The following RAPGEF2 variants were observed in gnomAD, a reference collection of about 807,000 sequenced individuals.
RAPGEF2 encodes the protein PDZ domain containing guanine nucleotide exchange factor (GEF) 1.
Under a neutral mutation model 186.7 loss-of-function variants are expected in RAPGEF2, and 54 were observed. The ratio of observed to expected loss-of-function variants is 0.29; its 90% CI spans 0.23 to 0.36. The LOEUF (loss-of-function observed/expected upper bound fraction) is 0.36. RAPGEF2 is among the 10% of genes least tolerant of loss of function. RAPGEF2 has a pLI of 1.00. For synonymous variants in RAPGEF2, 712 were observed against 705.9 expected (o/e 1.01, Z -0.14); for missense variants, 1,532 against 2,045.0 (o/e 0.75, Z 4.84).
chr4:159,280,596 G>A (rs1038629891), intron 7 of RAPGEF2, among the ~76,000 whole-genome samples: 4 of 152,136 alleles, frequency 2.6e-5, no homozygotes, highest in Non-Finnish European at 4.4e-5. Context: ...TCTCTGTATT[G>A]TTCCCTCCTT....
chr4:159,137,455 T>G (rs1342033794), intron 1 of RAPGEF2, among the ~76,000 whole-genome samples: 5 of 152,172 alleles, frequency 3.3e-5, no homozygotes, highest in Non-Finnish European at 7.4e-5. Context: ...CCCTCCCTTA[T>G]GATCTCATCC....
intron 12 of RAPGEF2, 121 bp downstream of exon 12, chr4:159,330,131 A>G (rs1766443399): frequency 4.8e-6 from 5 of 1,040,386 alleles, no homozygotes; most frequent in Middle Eastern, 2.1e-4. Context: ...GTTGTGAAAA[A>G]TCTTTATGTA....
intron 9 of RAPGEF2, among the ~76,000 whole-genome samples, chr4:159,321,124 A>G (rs1190415718): frequency 1.3e-5 from 2 of 151,974 alleles, no homozygotes; most frequent in Non-Finnish European, 2.9e-5. Flanking sequence ...TGATGTACAT[A>G]CACCCTGTGC....
intron 4 of RAPGEF2, among the ~76,000 whole-genome samples, chr4:159,218,772 G>A (rs76595031): frequency 0.077 from 11,649 of 151,786 alleles, 499 homozygotes; most frequent in Non-Finnish European, 0.1. Context: ...AAAAAAAGTC[G>A]TTTTCTTGAA....
chr4:159,240,370 G>A (rs1169376994), intron 5 of RAPGEF2, among the ~76,000 whole-genome samples: 1 of 112,480 alleles, frequency 8.9e-6, no homozygotes, highest in Non-Finnish European at 1.7e-5. Context: ...GTCTTGTCGT[G>A]TTGTCTAGCT....
At chr4:159,282,844 C>G (rs6847780) in intron 7 of RAPGEF2, among the ~76,000 whole-genome samples, 1 of 151,964 alleles carries the variant, frequency 6.6e-6, no homozygotes, top group African/African-American at 2.4e-5. Flanking sequence ...TTAAAATAGT[C>G]ATTATGGGGC....
intron 1 of RAPGEF2, among the ~76,000 whole-genome samples, chr4:159,151,187 G>T (rs1743494472): frequency 1.3e-5 from 2 of 150,394 alleles, no homozygotes; most frequent in African/African-American, 4.9e-5. Flanking sequence ...CAGTGTAGAT[G>T]CAGGTTCAAC....
At chr4:159,238,034 T>G (rs2111463273) in intron 4 of RAPGEF2, among the ~76,000 whole-genome samples, 1 of 151,376 alleles carries the variant, frequency 6.6e-6, no homozygotes. Flanking sequence ...AAAAAAAAAT[T>G]AACTGGAAGG....
intron 7 of RAPGEF2, among the ~76,000 whole-genome samples, chr4:159,282,266 T>C (rs1460895727): frequency 1.3e-5 from 2 of 152,238 alleles, no homozygotes; most frequent in Non-Finnish European, 2.9e-5. Flanking sequence ...ACATCTTAGC[T>C]TAATTACGAT....
At chr4:159,351,302 C>CTTTT in intron 26 of RAPGEF2, 1 of 895,488 alleles carries the variant, frequency 1.1e-6, no homozygotes, top group Non-Finnish European at 1.5e-6. Context: ...TTTTCTGAAA[C>CTTTT]TTTTTTTTTT....
chr4:159,217,642 G>T (rs1335666514), intron 4 of RAPGEF2, among the ~76,000 whole-genome samples: 2 of 152,212 alleles, frequency 1.3e-5, no homozygotes, highest in Non-Finnish European at 2.9e-5. Flanking sequence ...CTTTTTGGTA[G>T]AATGATTTCT....
At chr4:159,351,211 G>A (rs1184757290) in intron 26 of RAPGEF2, 1 of 1,522,388 alleles carries the variant, frequency 6.6e-7, no homozygotes, top group Admixed American at 2.0e-5. Context: ...AAATGGGGTG[G>A]GAAAGAGAGG....
intron 1 of RAPGEF2, among the ~76,000 whole-genome samples, chr4:159,134,237 G>A (rs952880540): frequency 1.3e-5 from 2 of 152,146 alleles, no homozygotes; most frequent in Non-Finnish European, 1.5e-5. Context: ...GTCATATAGT[G>A]TACAGTCTTT....
intron 1 of RAPGEF2, among the ~76,000 whole-genome samples, chr4:159,151,772 G>T (rs1743563998): frequency 6.6e-6 from 1 of 152,152 alleles, no homozygotes; most frequent in South Asian, 2.1e-4. Context: ...GTGTGTATTT[G>T]TGTTGGGGGG....
chr4:159,139,985 A>AGAATTTGAGT (rs1742141844), intron 1 of RAPGEF2, among the ~76,000 whole-genome samples: 1 of 152,176 alleles, frequency 6.6e-6, no homozygotes, highest in African/African-American at 2.4e-5. Flanking sequence ...TTTGAGTTAT[A>AGAATTTGAGT]CCATTTCACC....
At chr4:159,306,469 A>G (rs1763315904) in intron 8 of RAPGEF2, among the ~76,000 whole-genome samples, 1 of 152,146 alleles carries the variant, frequency 6.6e-6, no homozygotes, top group Non-Finnish European at 1.5e-5. Flanking sequence ...TGATTTGTGC[A>G]TATTGATTTT....
intron 3 of RAPGEF2, among the ~76,000 whole-genome samples, chr4:159,203,042 T>G (rs778126961): frequency 2.9e-4 from 44 of 152,240 alleles, no homozygotes; most frequent in Non-Finnish European, 3.7e-4. Context: ...TTCTTTGGAC[T>G]TAGTAGTTTT....
intron 7 of RAPGEF2, among the ~76,000 whole-genome samples, chr4:159,302,977 A>C (rs1369179683): frequency 6.6e-6 from 1 of 152,100 alleles, no homozygotes; most frequent in East Asian, 1.9e-4. Flanking sequence ...TTTATTTGGC[A>C]TCTAATTATA....
chr4:159,291,485 A>G (rs868367225), intron 7 of RAPGEF2, among the ~76,000 whole-genome samples: 51 of 152,064 alleles, frequency 3.4e-4, no homozygotes, highest in African/African-American at 1.2e-3. Flanking sequence ...TTGTAGAGAC[A>G]GGGTTTTGCC....
Sources: gnomAD v4.1 joint callset for allele counts (sites outside exome capture counted in the v4.1 genomes callset) on GRCh38, gnomAD v4.1.1 for gene constraint, MANE v1.5 for transcripts, NCBI Gene and HGNC (gene_info 2026-07-23, HGNC 2026-07-21) for gene names.